PHF24: variants seen among roughly 807,000 people sequenced by gnomAD.
PHF24 encodes the protein PHD finger protein 24.
In PHF24, 25 loss-of-function variants were observed where a neutral mutation model predicts 42.6. That is an observed-to-expected ratio of 0.59 (90% CI 0.43 to 0.82). The LOEUF is 0.82. Ranked by LOEUF, PHF24 falls within the 40% of genes least tolerant of loss-of-function variation. PHF24 has a pLI of 0.00. For missense variants in PHF24, 470 were observed against 538.1 expected (o/e 0.87, Z 1.25); for synonymous variants, 185 against 204.8 (o/e 0.90, Z 0.83).
At chr9:34,918,009 A>C in the PHF24 span, 1 of 1,283,508 alleles carries the variant, frequency 7.8e-7, no homozygotes, top group Non-Finnish European at 1.1e-6. Flanking sequence ...GAAATTAAGC[A>C]AGCGACACCA....
the PHF24 span, among the ~76,000 whole-genome samples, chr9:34,908,727 G>A: frequency 6.6e-6 from 1 of 152,142 alleles, no homozygotes; most frequent in Admixed American, 6.5e-5. Flanking sequence ...AGCCTCCATA[G>A]TATGGTGTCC....
At chr9:34,799,722 T>A in the PHF24 span, among the ~76,000 whole-genome samples, 46,219 of 152,086 alleles carry the variant, frequency 0.3, 7,548 homozygotes, top group East Asian at 0.56. Context: ...AAACATGAAA[T>A]TGCCCTTTTA....
the PHF24 span, among the ~76,000 whole-genome samples, chr9:34,800,341 T>C: frequency 6.6e-6 from 1 of 152,086 alleles, no homozygotes; most frequent in Non-Finnish European, 1.5e-5. Flanking sequence ...ATTAATTTGT[T>C]CTAATAGCTG....
At chr9:34,893,202 C>A in the PHF24 span, 1 of 472,746 alleles carries the variant, frequency 2.1e-6, no homozygotes, top group Non-Finnish European at 3.7e-6. Flanking sequence ...CATCTGCCTT[C>A]TCGGAAAAGT....
chr9:34,681,462 T>A, the PHF24 span, among the ~76,000 whole-genome samples: 113,859 of 142,954 alleles, frequency 0.8, 42,818 homozygotes, highest in East Asian at 0.88. Flanking sequence ...TTCGTATGTT[T>A]AGTCCTAACC....
the PHF24 span, among the ~76,000 whole-genome samples, chr9:34,779,870 C>T: frequency 1.5e-4 from 23 of 152,160 alleles, no homozygotes; most frequent in African/African-American, 4.8e-4. Flanking sequence ...GGAGTACAGG[C>T]GCCTGCCAAC....
chr9:34,858,323 T>C, the PHF24 span, among the ~76,000 whole-genome samples: 1 of 152,186 alleles, frequency 6.6e-6, no homozygotes, highest in Admixed American at 6.5e-5. Context: ...CTGGGTAGGC[T>C]ACATGGCATG....
chr9:34,871,111 A>G, the PHF24 span, among the ~76,000 whole-genome samples: 1,453 of 152,288 alleles, frequency 9.5e-3, 10 homozygotes, highest in Non-Finnish European at 0.015. Context: ...AGCATTTGCT[A>G]TTGTCAATGT....
the PHF24 span, among the ~76,000 whole-genome samples, chr9:34,888,895 C>G: frequency 1.3e-5 from 2 of 152,192 alleles, no homozygotes; most frequent in African/African-American, 4.8e-5. Context: ...TGTCAAGTCC[C>G]TTTATCCACA....
chr9:34,840,500 C>T, the PHF24 span, among the ~76,000 whole-genome samples: 1 of 132,342 alleles, frequency 7.6e-6, no homozygotes. Context: ...CCCCTCCCTC[C>T]CTTCCTTCCT....
At chr9:34,923,784 A>AT in the PHF24 span, among the ~76,000 whole-genome samples, 10 of 151,464 alleles carry the variant, frequency 6.6e-5, no homozygotes, top group African/African-American at 2.2e-4. Flanking sequence ...CATTTCATTG[A>AT]TTTTTTATAT....
At chr9:34,843,494 G>A in the PHF24 span, among the ~76,000 whole-genome samples, 2 of 152,226 alleles carry the variant, frequency 1.3e-5, no homozygotes, top group Admixed American at 1.3e-4. Flanking sequence ...GATTACTGTA[G>A]TTTTATACTA....
At chr9:34,720,886 G>A in the PHF24 span, among the ~76,000 whole-genome samples, 2 of 151,994 alleles carry the variant, frequency 1.3e-5, no homozygotes, top group African/African-American at 4.8e-5. Context: ...CAACTGCTTG[G>A]GACCTAACAG....
At chr9:34,749,705 A>G in the PHF24 span, among the ~76,000 whole-genome samples, 1 of 151,520 alleles carries the variant, frequency 6.6e-6, no homozygotes, top group South Asian at 2.1e-4. Context: ...TGCTGCACCT[A>G]TCAACCTGTT....
chr9:34,840,539 C>T, the PHF24 span, among the ~76,000 whole-genome samples: 9 of 139,394 alleles, frequency 6.5e-5, no homozygotes, highest in Non-Finnish European at 1.1e-4. Flanking sequence ...TCTTCTCCTT[C>T]CTTCTTCTTC....
intron 7 of PHF24, among the ~76,000 whole-genome samples, 177 bp downstream of exon 7, chr9:34,977,818 CT>C (rs1827256249): frequency 6.6e-6 from 1 of 152,170 alleles, no homozygotes; most frequent in Non-Finnish European, 1.5e-5. Context: ...GTCTGTTGGC[CT>C]GGTAGCACAG....
At chr9:34,708,729 C>T in the PHF24 span, among the ~76,000 whole-genome samples, 1 of 152,188 alleles carries the variant, frequency 6.6e-6, no homozygotes. Context: ...TAGTGCAGGA[C>T]AGAATCAGGG....
At chr9:34,855,468 G>A in the PHF24 span, among the ~76,000 whole-genome samples, 1 of 152,150 alleles carries the variant, frequency 6.6e-6, no homozygotes, top group Non-Finnish European at 1.5e-5. Flanking sequence ...AGGCAGGCCT[G>A]GTGGTGACGA....
At chr9:34,905,629 A>G in the PHF24 span, among the ~76,000 whole-genome samples, 1 of 152,208 alleles carries the variant, frequency 6.6e-6, no homozygotes, top group Non-Finnish European at 1.5e-5. Flanking sequence ...CATGTAGAAG[A>G]TGGCATTCAA....
Sources: gnomAD v4.1 joint callset for allele counts (sites outside exome capture counted in the v4.1 genomes callset) on GRCh38, gnomAD v4.1.1 for gene constraint, MANE v1.5 for transcripts, NCBI Gene and HGNC (gene_info 2026-07-23, HGNC 2026-07-21) for gene names.